PTPRB: variants seen among roughly 807,000 people sequenced by gnomAD.
The protein encoded by PTPRB is protein tyrosine phosphatase receptor type B, also known as receptor-type tyrosine-protein phosphatase beta.
PTPRB carries 97 observed loss-of-function variants against 238.1 expected under a neutral mutation model. The ratio of observed to expected loss-of-function variants is 0.41; its 90% CI spans 0.35 to 0.48. The LOEUF is 0.48. Ranked by LOEUF, PTPRB falls within the 20% of genes least tolerant of loss-of-function variation. PTPRB has a pLI of 0.30. For synonymous variants in PTPRB, 970 were observed against 995.4 expected (o/e 0.97, Z 0.48); for missense variants, 2,292 against 2,681.9 (o/e 0.85, Z 3.21).
At chr12:70,580,981 G>A (rs1881316850) in intron 10 of PTPRB, 55 bp downstream of exon 10, 22 of 1,529,438 alleles carry the variant, frequency 1.4e-5, no homozygotes, top group Admixed American at 1.1e-4. Flanking sequence ...TCTGATTAGG[G>A]GTCTCATGTA....
At chr12:70,557,808 T>G (rs936551046) in intron 18 of PTPRB, among the ~76,000 whole-genome samples, 4 of 152,198 alleles carry the variant, frequency 2.6e-5, no homozygotes, top group Non-Finnish European at 4.4e-5. Context: ...TTGTTCTGCT[T>G]AAGCATGTGT....
At chr12:70,543,484 G>A (rs1875490184) in intron 22 of PTPRB, among the ~76,000 whole-genome samples, 1 of 152,208 alleles carries the variant, frequency 6.6e-6, no homozygotes. Context: ...TAAATTATAA[G>A]TAAAGACATC....
At chr12:70,525,573 T>C (rs544777005) in intron 32 of PTPRB, 5 of 150,786 alleles carry the variant, frequency 3.3e-5, no homozygotes, top group African/African-American at 1.2e-4. Flanking sequence ...TTACTACTTT[T>C]GAAATATAAA....
At chr12:70,545,405 AATATC>A (rs1875810344) in intron 21 of PTPRB, among the ~76,000 whole-genome samples, 1 of 152,230 alleles carries the variant, frequency 6.6e-6, no homozygotes, top group Non-Finnish European at 1.5e-5. Flanking sequence ...AAAATATTCT[AATATC>A]ATATTTATTG....
At chr12:70,610,927 G>A (rs931707920) in intron 3 of PTPRB, among the ~76,000 whole-genome samples, 9 of 152,078 alleles carry the variant, frequency 5.9e-5, no homozygotes, top group Non-Finnish European at 1.2e-4. Flanking sequence ...AGCCCTAACT[G>A]TATGCCCTTT....
At chr12:70,624,190 G>A (rs914667874) in intron 2 of PTPRB, among the ~76,000 whole-genome samples, 1 of 152,004 alleles carries the variant, frequency 6.6e-6, no homozygotes, top group Non-Finnish European at 1.5e-5. Flanking sequence ...AGTATATTTA[G>A]TGTATCCCAC....
chr12:70,525,046 G>A lies in PTPRB; in HGVS notation c.6505-455C>T, dbSNP rs1375632000. ...CTACAACTGTGTCTAGTACGTAGTAGGTCCTTTACAAATTGAGTAGATGAA... is the reference window on the plus strand; with the variant it reads ...CTACAACTGTGTCTAGTACGTAGTAAGTCCTTTACAAATTGAGTAGATGAA... On this transcript the variant is annotated intron_variant, in intron 32 of 33. Transcript: ENST00000334414. Among the ~76,000 whole-genome samples the A allele has an allele frequency of 2.0e-5, 3 of 151,490 alleles. No homozygotes were observed. In the East Asian group the frequency reaches 5.8e-4, roughly 29 times the overall value.
chr12:70,612,335 T>C (rs1437360931), intron 3 of PTPRB, among the ~76,000 whole-genome samples: 1 of 152,212 alleles, frequency 6.6e-6, no homozygotes, highest in African/African-American at 2.4e-5. Flanking sequence ...AACTGTAATA[T>C]ATTCAAGGAA....
chr12:70,583,755 G>A (rs1881617748), intron 9 of PTPRB, among the ~76,000 whole-genome samples: 1 of 152,064 alleles, frequency 6.6e-6, no homozygotes, highest in Admixed American at 6.6e-5. Context: ...GATTAAAGTA[G>A]GTCTGGTTTG....
intron 11 of PTPRB, among the ~76,000 whole-genome samples, chr12:70,573,552 G>T (rs1207757081): frequency 6.8e-6 from 1 of 146,278 alleles, no homozygotes; most frequent in Non-Finnish European, 1.5e-5. Context: ...TCTTGCCCGG[G>T]CTGGAGTGCA....
intron 2 of PTPRB, among the ~76,000 whole-genome samples, chr12:70,631,405 T>C (rs1885445699): frequency 6.6e-6 from 1 of 152,184 alleles, no homozygotes; most frequent in South Asian, 2.1e-4. Flanking sequence ...GATCCCTTCC[T>C]TACACCTTAT....
rs1408137950 is a variant in PTPRB, at chr12:70,609,489, G to C, written c.709-150C>G. The C allele has an allele frequency of 2.8e-6, 3 of 1,065,434 alleles. No homozygotes were observed. In the Admixed American group the frequency reaches 8.3e-5, roughly 29 times the overall value. 66.0% of individuals were successfully genotyped at this position (1,065,434 alleles called of 1,614,324 possible). ...CCTTTTGCCCTCTGGCCAGAGAAGA[G>C]GCTTGCAGGGGAGGTGGATGGCAAC... On this transcript the variant is annotated intron_variant, in intron 3 of 33. Coordinates refer to ENST00000334414, the MANE Select transcript of PTPRB (RefSeq NM_001109754.4).
intron 4 of PTPRB, among the ~76,000 whole-genome samples, chr12:70,606,995 G>T (rs1023642739): frequency 6.6e-6 from 1 of 152,182 alleles, no homozygotes; most frequent in African/African-American, 2.4e-5. Flanking sequence ...TAAGAAAAAT[G>T]GTGAGAACCC....
chr12:70,632,424 G>A (rs1885496388), intron 2 of PTPRB, among the ~76,000 whole-genome samples: 1 of 151,848 alleles, frequency 6.6e-6, no homozygotes, highest in Non-Finnish European at 1.5e-5. Flanking sequence ...ACTGGGTCCT[G>A]TCGGGGGGTG....
At chr12:70,570,766 C>T (rs1226578654) in intron 13 of PTPRB, among the ~76,000 whole-genome samples, 1 of 152,118 alleles carries the variant, frequency 6.6e-6, no homozygotes, top group African/African-American at 2.4e-5. Flanking sequence ...AATCTGTGTG[C>T]CTCAGAAGCA....
At chr12:70,619,924 G>T (rs897141626) in intron 3 of PTPRB, among the ~76,000 whole-genome samples, 4 of 152,088 alleles carry the variant, frequency 2.6e-5, no homozygotes, top group East Asian at 1.9e-4. Flanking sequence ...ACTTTTCAAA[G>T]TATCTAACCA....
chr12:70,597,949 T>C lies in PTPRB; in HGVS notation c.980-1622A>G, dbSNP rs185661833. Reference sequence around the variant, plus strand: ...TATGATTTATGCTAAGTACATCATATTGCAAAATTATATATGCCACATTTA... The same window carrying C: ...TATGATTTATGCTAAGTACATCATACTGCAAAATTATATATGCCACATTTA... On this transcript the variant is annotated intron_variant, in intron 4 of 33. Transcript: ENST00000334414. Among the ~76,000 whole-genome samples the C allele has an allele frequency of 5.1e-3, 771 of 152,332 alleles. 10 individuals carry two copies. Among genetic ancestry groups the C allele is most frequent in the African/African-American group, 0.018 (736 of 41,570 alleles).
chr12:70,629,133 C>T (rs1885331397), intron 2 of PTPRB, among the ~76,000 whole-genome samples: 1 of 152,000 alleles, frequency 6.6e-6, no homozygotes, highest in Non-Finnish European at 1.5e-5. Flanking sequence ...TTGTGTGCCC[C>T]CAAAAGACTG....
At chr12:70,572,929 T>C (rs536583566) in intron 11 of PTPRB, among the ~76,000 whole-genome samples, 1 of 152,138 alleles carries the variant, frequency 6.6e-6, no homozygotes, top group East Asian at 1.9e-4. Context: ...TTACATCCAT[T>C]TGACTGGCAA....
Sources: gnomAD v4.1 joint callset for allele counts (sites outside exome capture counted in the v4.1 genomes callset) on GRCh38, gnomAD v4.1.1 for gene constraint, MANE v1.5 for transcripts, NCBI Gene and HGNC (gene_info 2026-07-23, HGNC 2026-07-21) for gene names.